Variants in PRKCA observed in about 807,000 individuals in gnomAD.
PRKCA encodes protein kinase C alpha.
PRKCA carries 27 observed loss-of-function variants against 87.0 expected under a neutral mutation model. The ratio of observed to expected loss-of-function variants is 0.31; its 90% confidence interval spans 0.23 to 0.43. PRKCA has a LOEUF of 0.43. Among genes scored for constraint, PRKCA ranks in the 20% least tolerant of loss-of-function variants. PRKCA has a pLI of 1.00. For missense variants in PRKCA, 518 were observed against 852.3 expected (o/e 0.61, Z 4.88); for synonymous variants, 329 against 311.1 (o/e 1.06, Z -0.61).
At chr17:66,656,539 G>C (rs1971737982) in intron 5 of PRKCA, among the ~76,000 whole-genome samples, 1 of 136,888 alleles carries the variant, frequency 7.3e-6, no homozygotes, top group Non-Finnish European at 1.6e-5. Context: ...TTATCTTCTG[G>C]AAAGTAAATG....
intron 15 of PRKCA, among the ~76,000 whole-genome samples, chr17:66,787,600 T>A (rs1975432964): frequency 6.6e-6 from 1 of 152,212 alleles, no homozygotes; most frequent in South Asian, 2.1e-4. Context: ...ATCATCAATA[T>A]GCTGATAAAT....
chr17:66,659,210 T>C (rs1478272714), intron 5 of PRKCA, among the ~76,000 whole-genome samples: 2 of 152,144 alleles, frequency 1.3e-5, no homozygotes, highest in Non-Finnish European at 2.9e-5. Flanking sequence ...TGATGGTAGA[T>C]TGGAGACTCT....
chr17:66,576,178 G>C (rs900262700), intron 3 of PRKCA, among the ~76,000 whole-genome samples: 3 of 152,182 alleles, frequency 2.0e-5, no homozygotes, highest in Admixed American at 2.0e-4. Context: ...AATTTCAGAT[G>C]GAGGCTGTGC....
Position 66,302,848 on chromosome 17 carries a change from G to A in PRKCA, c.-4G>A, listed in dbSNP as rs1459246408. The A allele has an allele frequency of 2.5e-6, 4 of 1,598,082 alleles. No homozygotes were observed. The highest frequency in any genetic ancestry group is 2.6e-6 in the Non-Finnish European group (3 of 1,172,824). The stretch of plus-strand genomic sequence containing the variant: ...GCGGAGGCAAGAGGTGGTTGGGGGG[G>A]ACCATGGCTGACGTTTTCCCGGGCA... On this transcript the variant is annotated 5_prime_UTR_variant, in exon 1 of 17. Coordinates refer to ENST00000413366, the MANE Select transcript of PRKCA (RefSeq NM_002737.3).
intron 3 of PRKCA, among the ~76,000 whole-genome samples, chr17:66,501,886 C>T (rs1195388061): frequency 6.6e-6 from 1 of 152,162 alleles, no homozygotes; most frequent in Non-Finnish European, 1.5e-5. Flanking sequence ...GCAGCAAGTG[C>T]CCATGCTTCT....
intron 3 of PRKCA, among the ~76,000 whole-genome samples, chr17:66,503,629 G>A (rs1295474423): frequency 6.6e-6 from 1 of 152,064 alleles, no homozygotes; most frequent in African/African-American, 2.4e-5. Flanking sequence ...ACTCCGTGGA[G>A]GACTATATGT....
intron 2 of PRKCA, among the ~76,000 whole-genome samples, chr17:66,445,378 C>G (rs1913979777): frequency 6.6e-6 from 1 of 152,224 alleles, no homozygotes; most frequent in Non-Finnish European, 1.5e-5. Context: ...CCAGGCTGAT[C>G]CTGACACTGG....
intron 3 of PRKCA, among the ~76,000 whole-genome samples, chr17:66,529,400 G>A (rs376549218): frequency 6.3e-4 from 96 of 152,220 alleles, no homozygotes; most frequent in African/African-American, 1.9e-3. Flanking sequence ...CTGCAGGGCC[G>A]TGTGACCTTG....
At chr17:66,765,418 CTATATATATA>C (rs58356468) in intron 13 of PRKCA, among the ~76,000 whole-genome samples, 1,083 of 49,338 alleles carry the variant, frequency 0.022, 55 homozygotes, top group African/African-American at 0.062. Context: ...AAGACTTTGT[CTATATATATA>C]TATATATATA....
intron 13 of PRKCA, among the ~76,000 whole-genome samples, chr17:66,762,749 T>G (rs982882581): frequency 1.3e-5 from 2 of 152,210 alleles, no homozygotes; most frequent in Admixed American, 6.5e-5. Flanking sequence ...ACTGTGCCAC[T>G]TTGAGCCTCA....
chr17:66,649,631 T>C (rs1043881259), intron 5 of PRKCA, among the ~76,000 whole-genome samples: 2 of 152,206 alleles, frequency 1.3e-5, no homozygotes, highest in Non-Finnish European at 2.9e-5. Flanking sequence ...TCCAAGTCTC[T>C]CTTATTAATT....
At position 66,806,002 on chromosome 17, in the gene PRKCA, G is replaced by C. The variant is rs759906915; in HGVS notation, c.*1965G>C. 6.6e-6 allele frequency: 1 copy of C among 152,288 alleles called. No individual in the cohort carries two copies. Among genetic ancestry groups the C allele is most frequent in the African/African-American group, 2.4e-5 (1 of 41,470 alleles). The allele number at this position is 152,288 out of a possible 1,614,324, so 9.4% of individuals were successfully genotyped here. A position where few individuals can be genotyped will look rare whatever the true frequency, so the allele number is the denominator to read the frequency against. On this transcript the variant is annotated 3_prime_UTR_variant, in exon 17 of 17. Coordinates refer to ENST00000413366, the MANE Select transcript of PRKCA (RefSeq NM_002737.3). ...AGCCGTGCCCTGCAGGCACCAGCAC[G>C]TGCTTTTCAGAGGCTGCGGACTTTC... is the stretch of plus-strand genomic sequence containing the variant.
In PRKCA at chr17:66,641,338, GCTT is replaced by G; in HGVS notation, c.289-11_289-9del. 7 of 1,590,986 alleles carry G rather than the reference GCTT, an allele frequency of 4.4e-6. No homozygotes were observed. Among genetic ancestry groups the G allele is most frequent in the Non-Finnish European group, 4.3e-6 (5 of 1,161,046 alleles). ...CTTTCATGACTAAAATGAGCATTGT[GCTT>G]CTTCTCCTCCCAGGACCCCAGGAGC... On this transcript the variant is annotated splice_polypyrimidine_tract_variant and intron_variant, in intron 3 of 16. Transcript: ENST00000413366.
chr17:66,777,463 A>G (rs1258507002), intron 14 of PRKCA: 2 of 939,546 alleles, frequency 2.1e-6, no homozygotes, highest in Non-Finnish European at 2.5e-6. Context: ...TCTTAGGCCA[A>G]ATACGTCCGG....
intron 5 of PRKCA, among the ~76,000 whole-genome samples, chr17:66,655,833 A>G (rs1464185217): frequency 1.4e-5 from 2 of 147,980 alleles, no homozygotes; most frequent in African/African-American, 5.1e-5. Flanking sequence ...AGTTAAAATG[A>G]TCCTGTTTTA....
At chr17:66,798,418 G>A (rs1211555264) in intron 16 of PRKCA, among the ~76,000 whole-genome samples, 2 of 139,922 alleles carry the variant, frequency 1.4e-5, no homozygotes, top group Non-Finnish European at 1.6e-5. Context: ...TGGTGATGGT[G>A]GTGGTGGTGG....
chr17:66,774,731 C>T (rs1356484764), intron 14 of PRKCA: 1 of 985,446 alleles, frequency 1.0e-6, no homozygotes, highest in East Asian at 1.1e-4. Context: ...AAAGATTGCC[C>T]CAGCTGCTGC....
At chr17:66,761,137 C>T (rs922554830) in intron 13 of PRKCA, among the ~76,000 whole-genome samples, 2 of 151,990 alleles carry the variant, frequency 1.3e-5, no homozygotes, top group South Asian at 2.1e-4. Flanking sequence ...TTTGGGAGGC[C>T]GAGGTGGGCG....
intron 8 of PRKCA, among the ~76,000 whole-genome samples, chr17:66,705,203 AAG>A (rs1193296426): frequency 6.6e-6 from 1 of 152,232 alleles, no homozygotes; most frequent in African/African-American, 2.4e-5. Context: ...CAGCAGTTGA[AAG>A]AGATATTTTA....
Sources: gnomAD v4.1 joint callset for allele counts (sites outside exome capture counted in the v4.1 genomes callset) on GRCh38, gnomAD v4.1.1 for gene constraint, MANE v1.5 for transcripts, NCBI Gene and HGNC (gene_info 2026-07-23, HGNC 2026-07-21) for gene names.